COL22A1: variants seen among roughly 807,000 people sequenced by gnomAD.
COL22A1 encodes the protein collagen type XXII alpha 1 chain.
Under a neutral mutation model 248.9 loss-of-function variants are expected in COL22A1, and 221 were observed. That is an observed-to-expected ratio of 0.89 (90% CI 0.80 to 0.99). The LOEUF is 0.99. Ranked by LOEUF, COL22A1 falls within the 50% of genes least tolerant of loss-of-function variation. COL22A1 has a pLI of 0.00. For missense variants in COL22A1, 2,240 were observed against 2,179.0 expected, an observed-to-expected ratio of 1.03 and a Z score of -0.56; for synonymous variants, 891 against 793.4, an observed-to-expected ratio of 1.12 and a Z score of -2.07.
At chr8:138,716,127 A>C (rs933656577) in intron 29 of COL22A1, 100 bp downstream of exon 29, 4 of 929,138 alleles carry the variant, frequency 4.3e-6, no homozygotes, top group African/African-American at 1.7e-5. Context: ...CACCCAGTCA[A>C]AATTATGACT....
At chr8:138,592,797 T>A (rs773353309) in intron 63 of COL22A1, among the ~76,000 whole-genome samples, 29 of 152,310 alleles carry the variant, frequency 1.9e-4, no homozygotes, top group Admixed American at 5.2e-4. Context: ...TGAAATTGCC[T>A]TATTCAAAAA....
intron 23 of COL22A1, among the ~76,000 whole-genome samples, chr8:138,730,565 G>A (rs1830637960): frequency 6.6e-6 from 1 of 152,148 alleles, no homozygotes; most frequent in Admixed American, 6.5e-5. Context: ...GCAGCTGTGT[G>A]ACTTACGGCA....
At chr8:138,910,050 T>C (rs952843157) in intron 1 of COL22A1, among the ~76,000 whole-genome samples, 1 of 152,152 alleles carries the variant, frequency 6.6e-6, no homozygotes, top group Non-Finnish European at 1.5e-5. Context: ...TGCAGGAATG[T>C]GAAGAAGCAA....
In COL22A1 at chr8:138,754,967, G is replaced by T. The variant is rs143343908; in HGVS notation, c.2031+190C>A. Among the ~76,000 whole-genome samples, 727 of 152,314 alleles carry T rather than the reference G, an allele frequency of 4.8e-3. 36 individuals carry two copies. Among genetic ancestry groups the T allele is most frequent in the Admixed American group, 0.046 (706 of 15,304 alleles). ...ACATGGCAGCTGCCTGACGTGGAGA[G>T]AGTTATCCCACCTCTTCCAGGCTCA... On this transcript the variant is annotated intron_variant, in intron 21 of 64. Coordinates refer to ENST00000303045, the MANE Select transcript of COL22A1 (RefSeq NM_152888.3).
chr8:138,618,483 C>A (rs1397138637), intron 53 of COL22A1, among the ~76,000 whole-genome samples: 1 of 152,134 alleles, frequency 6.6e-6, no homozygotes, highest in African/African-American at 2.4e-5. Flanking sequence ...CCAAGAACCA[C>A]CTTTAATAAA....
intron 22 of COL22A1, among the ~76,000 whole-genome samples, chr8:138,744,459 C>T (rs1242263595): frequency 6.6e-6 from 1 of 150,598 alleles, no homozygotes; most frequent in African/African-American, 2.5e-5. Context: ...TTCTGATATG[C>T]ACATGGATAC....
chr8:138,884,047 T>A (rs1295639163), intron 1 of COL22A1, among the ~76,000 whole-genome samples: 1 of 152,144 alleles, frequency 6.6e-6, no homozygotes. Flanking sequence ...TCCCACAGGT[T>A]CCAGGTGTAC....
At chr8:138,684,735 A>G (rs978602351) in intron 38 of COL22A1, among the ~76,000 whole-genome samples, 3 of 152,140 alleles carry the variant, frequency 2.0e-5, no homozygotes. Flanking sequence ...GAAGAGCCTT[A>G]TTGTATAGAC....
chr8:138,852,314 TGTG>T lies in COL22A1; in HGVS notation c.659-8159_659-8157del, dbSNP rs1821705303. 2.6e-5 allele frequency among the ~76,000 whole-genome samples: 4 copies of T among 151,854 alleles called. No homozygotes were observed. In the South Asian group the frequency reaches 8.3e-4, roughly 32 times the overall value. On this transcript the variant is annotated intron_variant, in intron 3 of 64. Coordinates refer to ENST00000303045, the MANE Select transcript of COL22A1 (RefSeq NM_152888.3). ...GAAGGGATGATGGTGACTTGTTCCT[TGTG>T]GTGGGGGTAGAGGAGAGGTAGCCAG... is the stretch of plus-strand genomic sequence containing the variant.
intron 27 of COL22A1, among the ~76,000 whole-genome samples, chr8:138,718,796 C>G (rs1311299348): frequency 6.6e-6 from 1 of 152,198 alleles, no homozygotes; most frequent in Non-Finnish European, 1.5e-5. Flanking sequence ...AAAAATGACA[C>G]ATGAGATAAA....
At chr8:138,721,946 A>T in intron 26 of COL22A1, 90 bp downstream of exon 26, 1 of 1,027,588 alleles carries the variant, frequency 9.7e-7, no homozygotes, top group Non-Finnish European at 1.5e-6. Flanking sequence ...CAGGCAATTG[A>T]CTTGTTGTAG....
intron 3 of COL22A1, among the ~76,000 whole-genome samples, chr8:138,875,941 G>A (rs771324160): frequency 1.5e-4 from 23 of 152,142 alleles, no homozygotes; most frequent in Non-Finnish European, 2.2e-4. Flanking sequence ...CTGTAACACA[G>A]GCCAAGTCAT....
chr8:138,681,451 T>C (rs1825957863), intron 39 of COL22A1, among the ~76,000 whole-genome samples: 1 of 152,072 alleles, frequency 6.6e-6, no homozygotes, highest in Non-Finnish European at 1.5e-5. Context: ...AGATCAGTGG[T>C]CATACAGAAG....
chr8:138,746,579 T>A (rs1832131323), intron 22 of COL22A1, among the ~76,000 whole-genome samples: 2 of 152,186 alleles, frequency 1.3e-5, no homozygotes, highest in East Asian at 3.8e-4. Flanking sequence ...CTTTGATGAC[T>A]GAAAGGCCAT....
At chr8:138,725,468 A>G in intron 23 of COL22A1, 28 bp from the exon 24 acceptor site, 1 of 1,607,636 alleles carries the variant, frequency 6.2e-7, no homozygotes, top group Non-Finnish European at 8.5e-7. Context: ...TTGGTGGGCT[A>G]CAGATGGGTC....
chr8:138,853,837 C>T (rs1384882029), intron 3 of COL22A1, among the ~76,000 whole-genome samples: 1 of 152,194 alleles, frequency 6.6e-6, no homozygotes, highest in Admixed American at 6.5e-5. Context: ...TAAGAGACTG[C>T]TCCAAAGTAA....
chr8:138,910,767 A>T (rs1167314277), intron 1 of COL22A1, among the ~76,000 whole-genome samples: 1 of 152,184 alleles, frequency 6.6e-6, no homozygotes. Flanking sequence ...GTTGAAACAA[A>T]AATGAGCTTT....
At chr8:138,683,243 A>G (rs1326955176) in intron 39 of COL22A1, among the ~76,000 whole-genome samples, 2 of 152,204 alleles carry the variant, frequency 1.3e-5, no homozygotes, top group African/African-American at 2.4e-5. Context: ...AATCTTACAC[A>G]TGTGGTAAGA....
At chr8:138,700,988 CAAAAAAAAAA>C (rs5895554) in intron 31 of COL22A1, among the ~76,000 whole-genome samples, 6 of 54,704 alleles carry the variant, frequency 1.1e-4, no homozygotes, top group African/African-American at 4.0e-4. Flanking sequence ...GACTCCGTCT[CAAAAAAAAAA>C]AAAAAAAAAA....
Sources: gnomAD v4.1 joint callset for allele counts (sites outside exome capture counted in the v4.1 genomes callset) on GRCh38, gnomAD v4.1.1 for gene constraint, MANE v1.5 for transcripts, NCBI Gene and HGNC (gene_info 2026-07-23, HGNC 2026-07-21) for gene names.